Variants in SUCLG2 observed in about 807,000 individuals in gnomAD.
The protein encoded by SUCLG2 is succinate--CoA ligase [GDP-forming] subunit beta, mitochondrial.
A neutral mutation model predicts 47.9 loss-of-function variants in SUCLG2; 42 were observed. The observed-to-expected ratio is 0.88, with a 90% CI of 0.69 to 1.14. The LOEUF is 1.14. Ranked by LOEUF, SUCLG2 falls within the 50% of genes most tolerant of loss-of-function variation. SUCLG2 has a pLI of 0.00. For synonymous variants in SUCLG2, 195 were observed against 197.3 expected (o/e 0.99, Z 0.10); for missense variants, 571 against 525.9 (o/e 1.09, Z -0.84).
intron 10 of SUCLG2, among the ~76,000 whole-genome samples, chr3:67,364,379 T>C (rs1288930642): frequency 6.6e-6 from 1 of 151,594 alleles, no homozygotes; most frequent in Non-Finnish European, 1.5e-5. Context: ...CCCCCAACTA[T>C]TCACTGTTGT....
At chr3:67,404,968 ATTT>A (rs35223699) in intron 9 of SUCLG2, among the ~76,000 whole-genome samples, 1 of 134,790 alleles carries the variant, frequency 7.4e-6, no homozygotes, top group Non-Finnish European at 1.6e-5. Flanking sequence ...GGCAAAGAGA[ATTT>A]TTTTTTTTTT....
At chr3:67,388,369 G>C (rs1702304388) in intron 10 of SUCLG2, among the ~76,000 whole-genome samples, 1 of 152,188 alleles carries the variant, frequency 6.6e-6, no homozygotes, top group Non-Finnish European at 1.5e-5. Context: ...TCTTCCTCTT[G>C]TGGGAATTGG....
In SUCLG2 at chr3:67,498,234, T is replaced by C. The variant is rs945410467; in HGVS notation, c.819A>G (p.Ile273Met). The C allele has an allele frequency of 1.9e-6, 3 of 1,613,796 alleles. No homozygotes were observed. The highest frequency in any genetic ancestry group is 2.5e-6 in the Non-Finnish European group (3 of 1,179,866). ...TCTCTGATTTGTCGTCCATAGCAAA[T>C]ATGTCTTTTTGTCGGAATTCTGCGT... The part of the protein sequence containing the change: ...DDNAEFRQKD[I>M]FAMDDKSENE... The change falls in exon 8 of 11, where the codon ATA (isoleucine) becomes ATG (methionine). Residue 273 changes from isoleucine (I) to methionine (M), a missense_variant. Coordinates refer to ENST00000307227, the MANE Select transcript of SUCLG2 (RefSeq NM_003848.4).
In SUCLG2 at chr3:67,550,873, G is replaced by A. The variant is rs190872717; in HGVS notation, c.227-21687C>T. ...TGAAGCTGATAATAAAAGTGCTTAC[G>A]TTTAAGAGTTACTATGAGTATTAAA... is the stretch of plus-strand genomic sequence containing the variant. On this transcript the variant is annotated intron_variant, in intron 2 of 10. Transcript: ENST00000307227. Among the ~76,000 whole-genome samples, 74 of 147,930 alleles carry A rather than the reference G, an allele frequency of 5.0e-4. 1 individual carries two copies. The East Asian group carries it at 0.015, about 30-fold the overall frequency.
chr3:67,415,279 G>A (rs895220956), intron 9 of SUCLG2, among the ~76,000 whole-genome samples: 10 of 151,240 alleles, frequency 6.6e-5, no homozygotes, highest in African/African-American at 2.5e-4. Flanking sequence ...GTTTGGAGAA[G>A]GACACAAGGA....
chr3:67,427,004 C>G (rs993381380), intron 9 of SUCLG2, among the ~76,000 whole-genome samples: 10 of 152,038 alleles, frequency 6.6e-5, no homozygotes, highest in Non-Finnish European at 4.4e-5. Flanking sequence ...ATAAGTAACA[C>G]TAAGAATGTA....
At chr3:67,532,756 C>T (rs148828807) in intron 2 of SUCLG2, among the ~76,000 whole-genome samples, 2 of 152,128 alleles carry the variant, frequency 1.3e-5, no homozygotes. Context: ...CTTAAGAGAA[C>T]AATATTTAGA....
At chr3:67,648,341 C>A (rs1299366994) in intron 1 of SUCLG2, among the ~76,000 whole-genome samples, 1 of 152,188 alleles carries the variant, frequency 6.6e-6, no homozygotes. Flanking sequence ...GGCAACCATG[C>A]CAAGTTGATC....
intron 10 of SUCLG2, among the ~76,000 whole-genome samples, chr3:67,400,500 T>C (rs1346161093): frequency 6.6e-6 from 1 of 152,186 alleles, no homozygotes; most frequent in Admixed American, 6.5e-5. Flanking sequence ...GCTTTTGCTC[T>C]GGGGTAATTT....
intron 9 of SUCLG2, among the ~76,000 whole-genome samples, chr3:67,418,939 TGAA>T: frequency 6.6e-6 from 1 of 151,956 alleles, no homozygotes; most frequent in East Asian, 1.9e-4. Context: ...ATGCATTCAG[TGAA>T]ACCTTTGAAA....
chr3:67,391,033 T>A (rs533830275), intron 10 of SUCLG2, among the ~76,000 whole-genome samples: 1 of 152,220 alleles, frequency 6.6e-6, no homozygotes, highest in Non-Finnish European at 1.5e-5. Context: ...GTAGACTGGA[T>A]ACCGTTTCTC....
chr3:67,579,693 C>G (rs1223047002), intron 2 of SUCLG2, among the ~76,000 whole-genome samples: 2 of 152,024 alleles, frequency 1.3e-5, no homozygotes, highest in Admixed American at 1.3e-4. Context: ...TAAAAGCTTT[C>G]AAACAAATCA....
intron 1 of SUCLG2, among the ~76,000 whole-genome samples, chr3:67,650,407 T>C (rs1005461275): frequency 3.3e-5 from 5 of 152,220 alleles, no homozygotes; most frequent in African/African-American, 4.8e-5. Flanking sequence ...CATTCCTCTG[T>C]AAGTCCCTGG....
chr3:67,424,394 G>C (rs771987117), intron 9 of SUCLG2, among the ~76,000 whole-genome samples: 9 of 152,042 alleles, frequency 5.9e-5, no homozygotes, highest in Non-Finnish European at 1.3e-4. Flanking sequence ...TCCTTCTCTG[G>C]ACGGACTCTA....
intron 10 of SUCLG2, among the ~76,000 whole-genome samples, chr3:67,395,269 A>G (rs1231344801): frequency 6.6e-6 from 1 of 152,136 alleles, no homozygotes; most frequent in Non-Finnish European, 1.5e-5. Context: ...TGCTGTATTC[A>G]GGAAACCCAT....
chr3:67,508,792 CTTT>C lies in SUCLG2; in HGVS notation c.757+12_757+14del. On this transcript the variant is annotated intron_variant, in intron 7 of 10. Coordinates refer to ENST00000307227, the MANE Select transcript of SUCLG2 (RefSeq NM_003848.4). Reference sequence around the variant, plus strand: ...AATACATTCATTTGTTTTCTCAATTCTTTTTTTTTTTTACCTTGTCCTTCTGGA... The same window carrying C: ...AATACATTCATTTGTTTTCTCAATTCTTTTTTTTTACCTTGTCCTTCTGGA... 24 of 1,232,142 alleles carry C rather than the reference CTTT, an allele frequency of 1.9e-5. No individual in the cohort carries two copies. The highest frequency in any genetic ancestry group is 5.8e-5 in the South Asian group (4 of 68,888). The allele number at this position is 1,232,142 out of a possible 1,614,324, so 76.3% of individuals were successfully genotyped here.
chr3:67,654,036 C>T (rs1701336179), intron 1 of SUCLG2, among the ~76,000 whole-genome samples: 1 of 152,166 alleles, frequency 6.6e-6, no homozygotes, highest in Non-Finnish European at 1.5e-5. Flanking sequence ...GGAAGTTCAC[C>T]CTAGGGGGTG....
rs539268330 is a variant in SUCLG2, at chr3:67,424,686, C to G, written c.1063-23835G>C. 2.6e-5 allele frequency among the ~76,000 whole-genome samples: 4 copies of G among 152,252 alleles called. No individual in the cohort carries two copies. In the South Asian group the frequency reaches 8.3e-4, roughly 32 times the overall value. ...AAGATCCTGGCAAGTCATAAGAGCT[C>G]AGTAATTGCTGGCCGTTACTAAAAC... On this transcript the variant is annotated intron_variant, in intron 9 of 10. Transcript: ENST00000307227.
At chr3:67,479,278 G>C (rs1441025847) in intron 9 of SUCLG2, among the ~76,000 whole-genome samples, 1 of 149,844 alleles carries the variant, frequency 6.7e-6, no homozygotes, top group African/African-American at 2.5e-5. Context: ...CTTGTACAAA[G>C]AGCCATCAAA....
Sources: gnomAD v4.1 joint callset for allele counts (sites outside exome capture counted in the v4.1 genomes callset) on GRCh38, gnomAD v4.1.1 for gene constraint, MANE v1.5 for transcripts, NCBI Gene and HGNC (gene_info 2026-07-23, HGNC 2026-07-21) for gene names.